The following KATNAL2 variants were observed in gnomAD, a reference collection of about 807,000 sequenced individuals.
KATNAL2 encodes katanin catalytic subunit A1 like 2.
Under a neutral mutation model 76.3 loss-of-function variants are expected in KATNAL2, and 52 were observed. That is an observed-to-expected ratio of 0.68 (90% confidence interval 0.55 to 0.86). KATNAL2 has a LOEUF of 0.86. Ranked by LOEUF, KATNAL2 falls within the 40% of genes least tolerant of loss-of-function variation. The probability of loss-of-function intolerance (pLI) is 0.00; values close to 1 mark genes in which losing one functional copy is unlikely to be tolerated. For missense variants in KATNAL2, 660 were observed against 668.9 expected (o/e 0.99, Z 0.15); for synonymous variants, 243 against 244.2 (o/e 1.00, Z 0.05).
At chr18:46,920,809 T>C (rs2146468737) in intron 1 of KATNAL2, among the ~76,000 whole-genome samples, 1 of 152,282 alleles carries the variant, frequency 6.6e-6, no homozygotes, top group Admixed American at 6.5e-5. Flanking sequence ...CCAACTTCCT[T>C]ATAACATAGT....
intron 3 of KATNAL2, among the ~76,000 whole-genome samples, chr18:47,043,206 G>A: frequency 1.5e-5 from 1 of 67,898 alleles, no homozygotes. Flanking sequence ...CAGCCCCGGC[G>A]ACAGAGCGAG....
intron 1 of KATNAL2, among the ~76,000 whole-genome samples, chr18:46,944,562 C>A (rs1599394165): frequency 6.6e-6 from 1 of 151,922 alleles, no homozygotes; most frequent in Admixed American, 6.6e-5. Flanking sequence ...TGGTGAAACC[C>A]CACATGTACT....
At chr18:47,096,534 C>A (rs934104855) in intron 15 of KATNAL2, among the ~76,000 whole-genome samples, 7 of 152,170 alleles carry the variant, frequency 4.6e-5, no homozygotes, top group African/African-American at 1.4e-4. Context: ...GAGACGGGGT[C>A]TCACTATGTT....
At chr18:47,035,567 G>A in intron 3 of KATNAL2, 1 of 593,700 alleles carries the variant, frequency 1.7e-6, no homozygotes, top group South Asian at 2.1e-5. Flanking sequence ...GCCAGAGCTG[G>A]GCCTTATGTA....
chr18:47,077,053 T>G (rs1323590258), intron 14 of KATNAL2, among the ~76,000 whole-genome samples: 2 of 152,172 alleles, frequency 1.3e-5, no homozygotes, highest in African/African-American at 4.8e-5. Flanking sequence ...TAGACACAGT[T>G]GGGCTGCATT....
At chr18:46,960,974 A>G (rs879228062) in intron 3 of KATNAL2, among the ~76,000 whole-genome samples, 2 of 152,218 alleles carry the variant, frequency 1.3e-5, no homozygotes, top group South Asian at 4.1e-4. Context: ...GGCCCTTTTA[A>G]GGGCTTACAA....
At chr18:47,051,918 G>A (rs1218765951) in intron 4 of KATNAL2, among the ~76,000 whole-genome samples, 1 of 152,172 alleles carries the variant, frequency 6.6e-6, no homozygotes, top group Admixed American at 6.5e-5. Flanking sequence ...AAGAAAGAGA[G>A]AGAAGAGGAG....
intron 5 of KATNAL2, among the ~76,000 whole-genome samples, chr18:47,053,968 T>C (rs1032368770): frequency 6.6e-6 from 1 of 152,198 alleles, no homozygotes; most frequent in Non-Finnish European, 1.5e-5. Flanking sequence ...TCCTATGATA[T>C]TGGACACGTT....
chr18:47,051,513 G>T (rs998167955), intron 4 of KATNAL2, among the ~76,000 whole-genome samples: 11 of 151,898 alleles, frequency 7.2e-5, no homozygotes, highest in African/African-American at 2.4e-4. Flanking sequence ...ATTTTCTTTT[G>T]ATTTACCAGT....
intron 15 of KATNAL2, among the ~76,000 whole-genome samples, chr18:47,081,502 C>A (rs1436353447): frequency 6.6e-6 from 1 of 152,194 alleles, no homozygotes; most frequent in Non-Finnish European, 1.5e-5. Context: ...TTTACACTTA[C>A]ATCACACCTC....
At chr18:47,047,442 T>C (rs2061195912) in intron 4 of KATNAL2, among the ~76,000 whole-genome samples, 1 of 152,104 alleles carries the variant, frequency 6.6e-6, no homozygotes. Flanking sequence ...GTATTGCATT[T>C]ACTTGGACAA....
At chr18:47,079,480 T>C (rs1337489220) in intron 15 of KATNAL2, among the ~76,000 whole-genome samples, 3 of 151,794 alleles carry the variant, frequency 2.0e-5, no homozygotes, top group Non-Finnish European at 2.9e-5. Context: ...CTGCAACCTC[T>C]GCCTCCCGGG....
At chr18:47,033,843 G>A (rs767164138) in intron 3 of KATNAL2, 1 of 1,614,126 alleles carries the variant, frequency 6.2e-7, no homozygotes. Flanking sequence ...AAAGCGGATC[G>A]TAGTTGGCCT....
intron 4 of KATNAL2, among the ~76,000 whole-genome samples, chr18:47,051,122 C>T (rs1311519417): frequency 6.6e-6 from 1 of 152,120 alleles, no homozygotes; most frequent in Non-Finnish European, 1.5e-5. Flanking sequence ...CCTAAAGTCC[C>T]GTCCTGTCGC....
chr18:46,945,279 T>C (rs1004858616), intron 1 of KATNAL2, among the ~76,000 whole-genome samples: 1 of 152,186 alleles, frequency 6.6e-6, no homozygotes, highest in Non-Finnish European at 1.5e-5. Context: ...GAAAAGTATG[T>C]TGTGGAATCA....
intron 3 of KATNAL2, among the ~76,000 whole-genome samples, chr18:47,039,756 G>T (rs1219302064): frequency 2.0e-5 from 3 of 152,142 alleles, no homozygotes; most frequent in Non-Finnish European, 4.4e-5. Flanking sequence ...TCTAGTGAAG[G>T]ATAGAGAGAC....
chr18:47,047,376 C>A (rs1025641341), intron 4 of KATNAL2, among the ~76,000 whole-genome samples: 22 of 152,216 alleles, frequency 1.4e-4, no homozygotes, highest in Admixed American at 9.2e-4. Flanking sequence ...AGTCTCACTG[C>A]TGGCTATGTG....
intron 3 of KATNAL2, among the ~76,000 whole-genome samples, chr18:46,952,113 TCCCA>T (rs751952012): frequency 2.6e-5 from 4 of 152,046 alleles, no homozygotes; most frequent in Non-Finnish European, 4.4e-5. Flanking sequence ...ACAAAGTCTC[TCCCA>T]GGCTGGAGTG....
intron 1 of KATNAL2, among the ~76,000 whole-genome samples, chr18:46,939,051 A>G (rs1441738892): frequency 6.6e-6 from 1 of 152,178 alleles, no homozygotes; most frequent in Non-Finnish European, 1.5e-5. Context: ...AGAATAAATG[A>G]CGAAATGAGG....
Sources: allele counts gnomAD v4.1 joint callset (sites outside exome capture counted in the v4.1 genomes callset), GRCh38; gene constraint gnomAD v4.1.1; transcripts MANE v1.5; gene names NCBI Gene and HGNC (gene_info 2026-07-23, HGNC 2026-07-21).